The following RUNX2 variants were observed in gnomAD, a reference collection of about 807,000 sequenced individuals.
The protein encoded by RUNX2 is RUNX family transcription factor 2.
A neutral mutation model predicts 51.7 loss-of-function variants in RUNX2; 10 were observed. The ratio of observed to expected loss-of-function variants is 0.19; its 90% CI spans 0.12 to 0.33. The LOEUF is 0.33. Among genes scored for constraint, RUNX2 ranks in the 10% least tolerant of loss-of-function variants. The pLI, the probability that RUNX2 is intolerant of heterozygous loss-of-function variation, is 1.00. For missense variants in RUNX2, 562 were observed against 691.3 expected, an observed-to-expected ratio of 0.81 and a Z score of 2.10; for synonymous variants, 276 against 273.6, an observed-to-expected ratio of 1.01 and a Z score of -0.09.
intron 6 of RUNX2, among the ~76,000 whole-genome samples, chr6:45,506,904 A>G (rs1563115987): frequency 6.6e-6 from 1 of 151,398 alleles, no homozygotes; most frequent in Non-Finnish European, 1.5e-5. Flanking sequence ...GATCCACCCA[A>G]CTTGGCCTTC....
chr6:45,529,903 C>T (rs1283718036), intron 7 of RUNX2, among the ~76,000 whole-genome samples: 2 of 152,316 alleles, frequency 1.3e-5, no homozygotes, highest in East Asian at 3.9e-4. Context: ...TGCCCTCCCC[C>T]TCCAGTCTTA....
At chr6:45,470,465 C>T (rs185222115) in intron 5 of RUNX2, among the ~76,000 whole-genome samples, 30 of 152,216 alleles carry the variant, frequency 2.0e-4, no homozygotes, top group Admixed American at 8.5e-4. Context: ...AAGGATTTTA[C>T]GTAGAACTGG....
Position 45,402,221 on chromosome 6 carries a change from T to C in RUNX2, c.59-20372T>C, listed in dbSNP as rs558098971. ...ACTTATCTACTTCTTTAGCTGAAGC[T>C]AGTATAAATGGGAATTTTAAAACAA... On this transcript the variant is annotated intron_variant, in intron 2 of 8. Transcript: ENST00000647337. Among the ~76,000 whole-genome samples, 366 of 152,350 alleles carry C rather than the reference T, an allele frequency of 2.4e-3. 3 individuals carry two copies. Among genetic ancestry groups the C allele is most frequent in the Non-Finnish European group, 3.9e-3 (265 of 68,030 alleles).
At chr6:45,380,896 G>A (rs11968637) in intron 2 of RUNX2, among the ~76,000 whole-genome samples, 34,137 of 152,076 alleles carry the variant, frequency 0.22, 4,503 homozygotes, top group Non-Finnish European at 0.31. Context: ...CTTCTCATGT[G>A]GATGCTACAG....
intron 2 of RUNX2, among the ~76,000 whole-genome samples, chr6:45,363,039 G>C (rs1168983520): frequency 6.6e-6 from 1 of 151,156 alleles, no homozygotes; most frequent in African/African-American, 2.4e-5. Context: ...AATTTTTGTA[G>C]TCTTCTTCTT....
At chr6:45,532,724 C>G (rs556956044) in intron 7 of RUNX2, among the ~76,000 whole-genome samples, 1 of 152,132 alleles carries the variant, frequency 6.6e-6, no homozygotes, top group South Asian at 2.1e-4. Context: ...TCTCTCCTGA[C>G]CAGTCACTGA....
intron 2 of RUNX2, among the ~76,000 whole-genome samples, chr6:45,348,033 GTGTGGATA>G (rs998164494): frequency 1.5e-4 from 23 of 148,762 alleles, no homozygotes; most frequent in African/African-American, 4.5e-4. Context: ...GTGTACACAT[GTGTGGATA>G]TGTGGATATG....
At chr6:45,428,555 C>T (rs927789655) in intron 3 of RUNX2, among the ~76,000 whole-genome samples, 1 of 151,992 alleles carries the variant, frequency 6.6e-6, no homozygotes, top group Non-Finnish European at 1.5e-5. Context: ...TCAGGTCTTG[C>T]TCTCAGCCTC....
chr6:45,421,469 T>G (rs1294569258), intron 2 of RUNX2: 1 of 152,256 alleles, frequency 6.6e-6, no homozygotes, highest in East Asian at 1.9e-4. Flanking sequence ...CTTTTTCCCT[T>G]GGGAGTCGCT....
intron 6 of RUNX2, among the ~76,000 whole-genome samples, chr6:45,507,816 T>A (rs1337373239): frequency 6.6e-6 from 1 of 152,220 alleles, no homozygotes; most frequent in Non-Finnish European, 1.5e-5. Flanking sequence ...AAAATTGTAC[T>A]CTGCCAGAAA....
intron 2 of RUNX2, among the ~76,000 whole-genome samples, chr6:45,354,860 T>G (rs1336779547): frequency 6.6e-6 from 1 of 152,166 alleles, no homozygotes; most frequent in African/African-American, 2.4e-5. Context: ...GTGATATATA[T>G]TAAGTAAAAA....
At chr6:45,540,056 G>A (rs1802169297) in intron 7 of RUNX2, among the ~76,000 whole-genome samples, 1 of 152,182 alleles carries the variant, frequency 6.6e-6, no homozygotes, top group South Asian at 2.1e-4. Flanking sequence ...AGAAAACCAT[G>A]GGTGCTGGGG....
At chr6:45,463,402 C>T (rs900560669) in intron 5 of RUNX2, among the ~76,000 whole-genome samples, 3 of 152,134 alleles carry the variant, frequency 2.0e-5, no homozygotes, top group African/African-American at 7.2e-5. Flanking sequence ...AAATAGACTG[C>T]CATTAAGGCA....
At chr6:45,457,592 G>A (rs1334487624) in intron 5 of RUNX2, among the ~76,000 whole-genome samples, 1 of 152,182 alleles carries the variant, frequency 6.6e-6, no homozygotes, top group African/African-American at 2.4e-5. Context: ...CTTGGCACAT[G>A]CTTTGCCTTA....
intron 4 of RUNX2, 147 bp downstream of exon 4, chr6:45,432,166 G>C: frequency 1.2e-6 from 1 of 825,482 alleles, no homozygotes; most frequent in East Asian, 2.7e-5. Context: ...AGATGAAGTT[G>C]AGTGTTTTTC....
At chr6:45,437,713 T>G (rs1798723408) in intron 4 of RUNX2, among the ~76,000 whole-genome samples, 1 of 152,028 alleles carries the variant, frequency 6.6e-6, no homozygotes, top group Non-Finnish European at 1.5e-5. Flanking sequence ...GGAATTGGAG[T>G]CTTCCTGTGT....
chr6:45,423,393 C>T (rs1219180496), intron 3 of RUNX2, among the ~76,000 whole-genome samples: 4 of 152,202 alleles, frequency 2.6e-5, no homozygotes, highest in East Asian at 3.9e-4. Context: ...CGCGTCCTTC[C>T]GGGACATCCC....
rs535142208 is a variant in RUNX2, at chr6:45,375,381, T to C, written c.58+46597T>C. On this transcript the variant is annotated intron_variant, in intron 2 of 8. Transcript: ENST00000647337. Reference sequence around the variant, plus strand: ...AATAATTGTGCTGGAACAATCAGGCTTTATACTACGACTGTCTCAGAAAAA... The same window carrying C: ...AATAATTGTGCTGGAACAATCAGGCCTTATACTACGACTGTCTCAGAAAAA... Among the ~76,000 whole-genome samples, 16 of 152,302 alleles carry C rather than the reference T, an allele frequency of 1.1e-4. No homozygotes were observed. In the South Asian group the frequency reaches 3.3e-3, roughly 32 times the overall value.
intron 5 of RUNX2, among the ~76,000 whole-genome samples, chr6:45,477,049 C>T (rs545356975): frequency 1.1e-3 from 174 of 152,196 alleles, no homozygotes; most frequent in African/African-American, 4.0e-3. Context: ...ACTTTGTGTC[C>T]CTTGCCTGGA....
Sources: allele counts gnomAD v4.1 joint callset (sites outside exome capture counted in the v4.1 genomes callset), GRCh38; gene constraint gnomAD v4.1.1; transcripts MANE v1.5; gene names NCBI Gene and HGNC (gene_info 2026-07-23, HGNC 2026-07-21).